Variants in MAGI1 observed in about 807,000 individuals in gnomAD.
MAGI1 encodes membrane-associated guanylate kinase, WW and PDZ domain-containing protein 1.
MAGI1 carries 58 observed loss-of-function variants against 139.9 expected under a neutral mutation model. The ratio of observed to expected loss-of-function variants is 0.41; its 90% CI spans 0.34 to 0.52. MAGI1 has a LOEUF of 0.52. MAGI1 is among the 20% of genes least tolerant of loss of function. The pLI is 0.12. For missense variants in MAGI1, 1,874 were observed against 1,901.6 expected, an observed-to-expected ratio of 0.99 and a Z score of 0.27; for synonymous variants, 812 against 737.9, an observed-to-expected ratio of 1.10 and a Z score of -1.63.
At chr3:65,715,540 C>T (rs1210939489) in intron 1 of MAGI1, among the ~76,000 whole-genome samples, 3 of 152,178 alleles carry the variant, frequency 2.0e-5, no homozygotes, top group Admixed American at 1.3e-4. Context: ...TTGCTTTCCT[C>T]TCTGATTACC....
chr3:66,032,828 T>C (rs76611761), intron 1 of MAGI1, among the ~76,000 whole-genome samples: 8,356 of 149,154 alleles, frequency 0.056, 279 homozygotes, highest in South Asian at 0.066. Flanking sequence ...AGCATCAGAA[T>C]TGCTTGAACC....
intron 1 of MAGI1, among the ~76,000 whole-genome samples, chr3:65,916,582 C>G (rs1300429452): frequency 2.0e-5 from 3 of 152,014 alleles, no homozygotes; most frequent in Non-Finnish European, 2.9e-5. Context: ...TGGGAAAAAC[C>G]ACTCCATGAT....
intron 1 of MAGI1, among the ~76,000 whole-genome samples, chr3:65,697,761 CA>C (rs1372868453): frequency 9.5e-6 from 1 of 104,840 alleles, no homozygotes; most frequent in Non-Finnish European, 1.9e-5. Flanking sequence ...AACCCACAGC[CA>C]ATATCATACT....
intron 2 of MAGI1, among the ~76,000 whole-genome samples, chr3:65,506,138 G>C (rs1177699007): frequency 6.6e-6 from 1 of 152,148 alleles, no homozygotes; most frequent in Non-Finnish European, 1.5e-5. Context: ...GATTTGGTGA[G>C]TTCAAATCTC....
At chr3:65,914,673 A>G (rs1384488426) in intron 1 of MAGI1, among the ~76,000 whole-genome samples, 1 of 152,246 alleles carries the variant, frequency 6.6e-6, no homozygotes, top group East Asian at 1.9e-4. Flanking sequence ...AATGTTCGAC[A>G]AATGCCTAAT....
chr3:65,715,382 C>T (rs1469284740), intron 1 of MAGI1, among the ~76,000 whole-genome samples: 1 of 152,150 alleles, frequency 6.6e-6, no homozygotes, highest in Non-Finnish European at 1.5e-5. Flanking sequence ...TTTAGTAATA[C>T]AGGTGTAAGT....
chr3:65,590,394 G>T lies in MAGI1; in HGVS notation c.430+31578C>A, dbSNP rs139027877. Among the ~76,000 whole-genome samples the T allele has an allele frequency of 7.9e-5, 12 of 152,266 alleles. No homozygotes were observed. The East Asian group carries it at 2.3e-3, about 29-fold the overall frequency. On this transcript the variant is annotated intron_variant, in intron 2 of 22. Coordinates refer to ENST00000402939, the MANE Select transcript of MAGI1 (RefSeq NM_001033057.2). ...GATTAATCGGTAAAAAAATCATAAA[G>T]ATTTCAACTTGGTACTCCTTTGACC...
At chr3:65,471,592 G>C (rs1950563098) in intron 4 of MAGI1, among the ~76,000 whole-genome samples, 1 of 152,056 alleles carries the variant, frequency 6.6e-6, no homozygotes, top group Admixed American at 6.6e-5. Context: ...TCCCAGCCCT[G>C]CATCTATTTG....
At chr3:65,817,982 A>T (rs1039609524) in intron 1 of MAGI1, among the ~76,000 whole-genome samples, 8 of 152,226 alleles carry the variant, frequency 5.3e-5, no homozygotes, top group Admixed American at 5.2e-4. Flanking sequence ...CTAGTTACAC[A>T]GGGAAAGCCA....
At chr3:65,754,177 C>T (rs575100089) in intron 1 of MAGI1, among the ~76,000 whole-genome samples, 65 of 152,116 alleles carry the variant, frequency 4.3e-4, no homozygotes, top group African/African-American at 1.5e-3. Context: ...AGGATAAAAG[C>T]AAAATCCACA....
At chr3:65,598,140 G>GA (rs1377969789) in intron 2 of MAGI1, among the ~76,000 whole-genome samples, 1 of 151,260 alleles carries the variant, frequency 6.6e-6, no homozygotes, top group African/African-American at 2.4e-5. Context: ...CCGGGAGTGT[G>GA]AAAAAAGAGC....
intron 1 of MAGI1, among the ~76,000 whole-genome samples, chr3:65,641,698 A>C (rs2084993075): frequency 6.6e-6 from 1 of 152,214 alleles, no homozygotes; most frequent in African/African-American, 2.4e-5. Flanking sequence ...ACACCCTCTT[A>C]GAGTCACAGC....
At chr3:65,823,529 A>G (rs1164678244) in intron 1 of MAGI1, among the ~76,000 whole-genome samples, 1 of 152,216 alleles carries the variant, frequency 6.6e-6, no homozygotes, top group African/African-American at 2.4e-5. Context: ...AGCTATATAA[A>G]GCCTTCCACA....
At chr3:65,481,091 C>G (rs866884932) in intron 3 of MAGI1, among the ~76,000 whole-genome samples, 50 of 152,058 alleles carry the variant, frequency 3.3e-4, no homozygotes, top group African/African-American at 1.1e-3. Context: ...CAGGTAGAAA[C>G]CTGATACGCA....
At chr3:65,427,377 C>A (rs545058226) in intron 12 of MAGI1, among the ~76,000 whole-genome samples, 6 of 152,010 alleles carry the variant, frequency 3.9e-5, no homozygotes, top group Non-Finnish European at 8.8e-5. Flanking sequence ...CTGGCTTAGG[C>A]GAATTCATTA....
Position 65,356,436 on chromosome 3 carries a change from T to A in MAGI1, c.4331A>T (p.His1444Leu). 6.2e-7 allele frequency: 1 copy of A among 1,610,746 alleles called. No homozygotes were observed. Residue 1444 changes from histidine to leucine, a missense_variant, in exon 23 of 23, where the codon CAT becomes CTT. Coordinates refer to ENST00000402939, the MANE Select transcript of MAGI1 (RefSeq NM_001033057.2). ...LKQDAGRSSR[H>L]PPEQRRRPYK... ...AGGTCGCCTTCTCTGCTCCGGGGGATGTCTGGAACTTCTGCCGGCATCCTG... is the reference window on the plus strand; with the variant it reads ...AGGTCGCCTTCTCTGCTCCGGGGGAAGTCTGGAACTTCTGCCGGCATCCTG...
intron 1 of MAGI1, among the ~76,000 whole-genome samples, chr3:65,932,959 C>G (rs893416468): frequency 6.6e-6 from 1 of 152,222 alleles, no homozygotes; most frequent in Non-Finnish European, 1.5e-5. Context: ...CCTATCTTTT[C>G]AAAGTTTAAA....
chr3:65,360,926 T>C (rs1940791020), intron 22 of MAGI1: 1 of 1,389,396 alleles, frequency 7.2e-7, no homozygotes, highest in Non-Finnish European at 9.3e-7. Flanking sequence ...ATTCCTTCGC[T>C]CTTGGTCGGA....
intron 2 of MAGI1, among the ~76,000 whole-genome samples, chr3:65,539,947 A>G (rs1411531169): frequency 2.0e-5 from 3 of 152,118 alleles, no homozygotes; most frequent in African/African-American, 4.8e-5. Flanking sequence ...GGATTTCAGG[A>G]TCAGCTCTGC....
Sources: allele counts gnomAD v4.1 joint callset (sites outside exome capture counted in the v4.1 genomes callset), GRCh38; gene constraint gnomAD v4.1.1; transcripts MANE v1.5; gene names NCBI Gene and HGNC (gene_info 2026-07-23, HGNC 2026-07-21).